DDX18: variants seen among roughly 807,000 people sequenced by gnomAD.
The protein encoded by DDX18 is ATP-dependent RNA helicase DDX18.
In DDX18, 23 loss-of-function variants were observed where a neutral mutation model predicts 73.5. That is an observed-to-expected ratio of 0.31 (90% confidence interval 0.23 to 0.44). The LOEUF is 0.44. DDX18 is among the 20% of genes least tolerant of loss of function. The probability of loss-of-function intolerance (pLI) is 1.00; values close to 1 mark genes in which losing one functional copy is unlikely to be tolerated. For synonymous variants in DDX18, 268 were observed against 282.7 expected, an observed-to-expected ratio of 0.95 and a Z score of 0.52; for missense variants, 753 against 792.9, an observed-to-expected ratio of 0.95 and a Z score of 0.60.
chr2:117,819,728 T>G lies in DDX18; in HGVS notation c.450T>G (p.Asn150Lys). 6.2e-7 allele frequency: 1 copy of G among 1,610,654 alleles called. No individual in the cohort carries two copies. The change falls in exon 3 of 14, where the codon AAT becomes AAG. Residue 150 changes from asparagine to lysine, a missense_variant. Asn to Lys is a moderately conservative substitution (Grantham distance 94). This residue lies in a region of DDX18 where 345 missense variants were observed against 352.0 expected (regional missense o/e 0.98). Coordinates refer to ENST00000263239, the MANE Select transcript of DDX18 (RefSeq NM_006773.4). ...AGACTACTAAAGAAACAGAAAATAA[T>G]GTGGAGAAGCCAGATAATGATGAAG... ...SAETTKETEN[N>K]VEKPDNDEDE... is the part of the protein sequence containing the mutation.
Position 117,814,727 on chromosome 2 carries a change from A to G in DDX18, c.-51A>G. 4 of 1,583,018 alleles carry G rather than the reference A, an allele frequency of 2.5e-6. No homozygotes were observed. The highest frequency in any genetic ancestry group is 2.3e-5 in the East Asian group (1 of 44,228). On this transcript the variant is annotated 5_prime_UTR_variant, in exon 1 of 14. Coordinates refer to ENST00000263239, the MANE Select transcript of DDX18 (RefSeq NM_006773.4). ...GAAGGGAAGTAACGTCAGCCTGAGAACTGAGTAGCTGTACTGTGTGGCGCC... is the reference window on the plus strand; with the variant it reads ...GAAGGGAAGTAACGTCAGCCTGAGAGCTGAGTAGCTGTACTGTGTGGCGCC...
chr2:117,826,511 A>C (rs2104625690), intron 11 of DDX18, 129 bp downstream of exon 11: 1 of 840,266 alleles, frequency 1.2e-6, no homozygotes, highest in East Asian at 2.7e-5. Flanking sequence ...GCAATTAAGC[A>C]AGTAAGGTTT....
intron 3 of DDX18, among the ~76,000 whole-genome samples, chr2:117,820,120 G>A (rs1414162990): frequency 2.0e-5 from 3 of 152,176 alleles, no homozygotes; most frequent in South Asian, 2.1e-4. Context: ...CCCTGTACGA[G>A]GTTAACCTCC....
At chr2:117,825,657 C>A (rs538545954) in intron 10 of DDX18, 58 bp downstream of exon 10, 2 of 1,584,400 alleles carry the variant, frequency 1.3e-6, no homozygotes, top group South Asian at 1.1e-5. Context: ...TTCACTTATT[C>A]TCCCAGTTCC....
chr2:117,825,394 T>C (rs1376562904), intron 9 of DDX18, 53 bp from the exon 10 acceptor site: 9 of 1,583,864 alleles, frequency 5.7e-6, no homozygotes, highest in Non-Finnish European at 7.8e-6. Flanking sequence ...GGGGTTCTAC[T>C]GCTAGTCTTC....
At chr2:117,825,767 T>C in intron 10 of DDX18, 168 bp downstream of exon 10, 1 of 716,766 alleles carries the variant, frequency 1.4e-6, no homozygotes, top group East Asian at 2.7e-5. Context: ...TTTTCAGGGC[T>C]CAAACGGGCT....
At chr2:117,816,486 C>T (rs902133350) in intron 1 of DDX18, among the ~76,000 whole-genome samples, 13 of 151,966 alleles carry the variant, frequency 8.6e-5, no homozygotes, top group African/African-American at 2.7e-4. Context: ...CACTGTCTTC[C>T]GCTTCCACAT....
At chr2:117,816,883 T>C (rs886589618) in intron 1 of DDX18, among the ~76,000 whole-genome samples, 7 of 152,358 alleles carry the variant, frequency 4.6e-5, no homozygotes, top group Admixed American at 1.3e-4. Flanking sequence ...CCACTGTATA[T>C]GTTGTCCTTA....
In DDX18 at chr2:117,817,720, C is replaced by T. The variant is rs759007490; in HGVS notation, c.362C>T (p.Ala121Val). 3 of 1,600,270 alleles carry T rather than the reference C, an allele frequency of 1.9e-6. No homozygotes were observed. Among genetic ancestry groups the T allele is most frequent in the Admixed American group, 1.8e-5 (1 of 56,784 alleles). Residue 121 changes from alanine (A) to valine (V), a missense_variant, in exon 2 of 14, where the codon GCT becomes GTT. Physicochemically the swap from Ala to Val is moderately conservative, Grantham distance 64. This residue lies in a region of DDX18 where 345 missense variants were observed against 352.0 expected (regional missense o/e 0.98). Transcript: ENST00000263239. ...AAAAAGAGAAAAATGGTGAATGATG[C>T]TGAGCCTGGTAGGTATTTATTATCT... ...KKKKRKMVND[A>V]EPDTKKAKTE...
Position 117,831,343 on chromosome 2 carries a change from T to C in DDX18, c.*619T>C, listed in dbSNP as rs1680021295. 1.3e-5 allele frequency: 2 copies of C among 152,200 alleles called. No homozygotes were observed. The highest frequency in any genetic ancestry group is 6.5e-5 in the Admixed American group (1 of 15,274). 9.4% of individuals were successfully genotyped at this position (152,200 alleles called of 1,614,324 possible). A position where few individuals can be genotyped will look rare whatever the true frequency, so the allele number is the denominator to read the frequency against. ...CAGGCCTTTCTCAGGTGTTGCATTT[T>C]TTGGAGCAAAAACTATGGGTTGTAA... On this transcript the variant is annotated 3_prime_UTR_variant, in exon 14 of 14. Coordinates refer to ENST00000263239, the MANE Select transcript of DDX18 (RefSeq NM_006773.4).
chr2:117,822,573 A>C (rs1048281352), intron 7 of DDX18: 2 of 284,038 alleles, frequency 7.0e-6, no homozygotes, highest in African/African-American at 4.4e-5. Flanking sequence ...TTACTTGTAC[A>C]TACCTTGGTT....
At position 117,831,464 on chromosome 2, in the gene DDX18, G is replaced by A. The variant is rs1467021291; in HGVS notation, c.*740G>A. ...TGTTTGAGCCTCATTTACATCAATA[G>A]AGGTGTAATGTACTGCATTTCTTCA... On this transcript the variant is annotated 3_prime_UTR_variant, in exon 14 of 14. Transcript: ENST00000263239. 6.6e-6 allele frequency: 1 copy of A among 152,202 alleles called. No homozygotes were observed. Among genetic ancestry groups the A allele is most frequent in the Non-Finnish European group, 1.5e-5 (1 of 68,030 alleles). The allele number at this position is 152,202 out of a possible 1,614,324, so 9.4% of individuals were successfully genotyped here. A position where few individuals can be genotyped will look rare whatever the true frequency, so the allele number is the denominator to read the frequency against.
intron 4 of DDX18, 130 bp downstream of exon 4, chr2:117,821,426 TTTAAG>T: frequency 8.1e-7 from 1 of 1,232,736 alleles, no homozygotes; most frequent in Non-Finnish European, 1.1e-6. Context: ...CATTAAAGGC[TTTAAG>T]TTAATTACTG....
chr2:117,816,900 A>G (rs1274809178), intron 1 of DDX18, among the ~76,000 whole-genome samples: 4 of 152,236 alleles, frequency 2.6e-5, no homozygotes. Flanking sequence ...CTTAATTCAC[A>G]GAAATGTCAT....
At chr2:117,820,281 A>T (rs1164509955) in intron 3 of DDX18, among the ~76,000 whole-genome samples, 2 of 152,154 alleles carry the variant, frequency 1.3e-5, no homozygotes, top group Non-Finnish European at 2.9e-5. Context: ...GCTTAATCCA[A>T]ATTGCAAACG....
intron 1 of DDX18, 36 bp from the exon 2 acceptor site, chr2:117,817,408 T>C (rs756004672): frequency 4.0e-5 from 61 of 1,526,946 alleles, no homozygotes; most frequent in Non-Finnish European, 5.2e-5. Flanking sequence ...AACTTCTCCT[T>C]CTTTGTCACA....
At position 117,832,040 on chromosome 2, in the gene DDX18, C is replaced by T. The variant is rs1180335921; in HGVS notation, c.*1316C>T. On this transcript the variant is annotated 3_prime_UTR_variant, in exon 14 of 14. Transcript: ENST00000263239. ...TGGGCTTGGCCACCATCACCCTGGTCGGACCTGTCCTGGACTTCCAACCTT... is the reference window on the plus strand; with the variant it reads ...TGGGCTTGGCCACCATCACCCTGGTTGGACCTGTCCTGGACTTCCAACCTT... The T allele has an allele frequency of 2.6e-5, 4 of 152,340 alleles. No homozygotes were observed. Among genetic ancestry groups the T allele is most frequent in the African/African-American group, 9.6e-5 (4 of 41,460 alleles). The allele number at this position is 152,340 out of a possible 1,614,324, so 9.4% of individuals were successfully genotyped here.
chr2:117,822,343 AAT>A (rs1679859348), intron 7 of DDX18, 82 bp downstream of exon 7: 2 of 1,108,666 alleles, frequency 1.8e-6, no homozygotes, highest in African/African-American at 1.5e-5. Context: ...AAACTGTACT[AAT>A]GCCAGAACTT....
In DDX18 at chr2:117,825,501, G is replaced by C. The variant is rs1343214171; in HGVS notation, c.1423G>C (p.Asp475His). Reference sequence around the variant, plus strand: ...CACATTCTTCCAGTTCTGCAATGCAGATTCGGGAACACTATTGTGTACGGA... The same window carrying C: ...CACATTCTTCCAGTTCTGCAATGCACATTCGGGAACACTATTGTGTACGGA... Reference protein sequence around the residue: ...TTTFFQFCNADSGTLLCTDVA... With the variant: ...TTTFFQFCNAHSGTLLCTDVA... Residue 475 changes from aspartate (D) to histidine (H), a missense_variant, in exon 10 of 14, where the codon GAT becomes CAT. Transcript: ENST00000263239. 1 of 1,614,200 alleles carries C rather than the reference G, an allele frequency of 6.2e-7. No homozygotes were observed. The highest frequency in any genetic ancestry group is 1.7e-5 in the Admixed American group (1 of 60,020).
Sources: gnomAD v4.1 joint callset for allele counts (sites outside exome capture counted in the v4.1 genomes callset) on GRCh38, gnomAD v4.1.1 for gene constraint, gnomAD v4.1.1 regional missense constraint, MANE v1.5 for transcripts, NCBI Gene and HGNC (gene_info 2026-07-23, HGNC 2026-07-21) for gene names.